Variants in PAK5 observed in about 807,000 individuals in gnomAD.
PAK5 encodes the protein p21 (RAC1) activated kinase 5, also known as serine/threonine-protein kinase PAK 5.
Under a neutral mutation model 65.9 loss-of-function variants are expected in PAK5, and 16 were observed. The observed-to-expected ratio is 0.24, with a 90% CI of 0.16 to 0.37. The LOEUF is 0.37. Among genes scored for constraint, PAK5 ranks in the 10% least tolerant of loss-of-function variants. The pLI is 1.00. For synonymous variants in PAK5, 371 were observed against 354.9 expected (o/e 1.05, Z -0.51); for missense variants, 785 against 903.9 (o/e 0.87, Z 1.69).
intron 3 of PAK5, among the ~76,000 whole-genome samples, chr20:9,594,110 G>A (rs980153339): frequency 2.0e-5 from 3 of 152,154 alleles, no homozygotes; most frequent in East Asian, 1.9e-4. Context: ...AGTAATTTCT[G>A]AAGCTCTTCA....
intron 2 of PAK5, among the ~76,000 whole-genome samples, chr20:9,694,361 G>A (rs1156525819): frequency 2.6e-5 from 4 of 150,976 alleles, no homozygotes; most frequent in Non-Finnish European, 4.4e-5. Context: ...AAAGAGGTGA[G>A]TTACTTTTTC....
intron 1 of PAK5, among the ~76,000 whole-genome samples, chr20:9,713,689 G>T (rs2048106739): frequency 6.6e-6 from 1 of 151,976 alleles, no homozygotes; most frequent in Non-Finnish European, 1.5e-5. Context: ...GTCACAAAAA[G>T]AAATTAATTT....
intron 1 of PAK5, among the ~76,000 whole-genome samples, chr20:9,727,821 C>T (rs1038241662): frequency 2.0e-5 from 3 of 152,058 alleles, no homozygotes; most frequent in Admixed American, 6.6e-5. Flanking sequence ...TGTTGGTTTC[C>T]GTGTCCTGTG....
intron 1 of PAK5, among the ~76,000 whole-genome samples, chr20:9,768,778 G>A (rs1283477960): frequency 2.7e-5 from 3 of 109,536 alleles, no homozygotes; most frequent in South Asian, 3.2e-4. Context: ...GCAACAGAGC[G>A]AGACTCCATC....
intron 3 of PAK5, among the ~76,000 whole-genome samples, chr20:9,618,364 CAT>C (rs933287595): frequency 1.2e-4 from 18 of 150,282 alleles, no homozygotes; most frequent in Non-Finnish European, 2.4e-4. Flanking sequence ...ATTGCTGAGA[CAT>C]ATGTTGATAC....
At chr20:9,787,619 ATGTGTGTGTGTGTG>A (rs3061911) in intron 1 of PAK5, among the ~76,000 whole-genome samples, 9 of 146,530 alleles carry the variant, frequency 6.1e-5, no homozygotes, top group Non-Finnish European at 9.0e-5. Context: ...TATGAAAAGG[ATGTGTGTGTGTGTG>A]TGTGTGTGTG....
intron 1 of PAK5, among the ~76,000 whole-genome samples, chr20:9,782,769 C>T (rs1406087702): frequency 6.6e-6 from 1 of 152,218 alleles, no homozygotes; most frequent in South Asian, 2.1e-4. Context: ...GGAAGTCTGA[C>T]AAAGAATCAG....
At chr20:9,782,739 A>G (rs1333960933) in intron 1 of PAK5, among the ~76,000 whole-genome samples, 1 of 152,102 alleles carries the variant, frequency 6.6e-6, no homozygotes, top group African/African-American at 2.4e-5. Flanking sequence ...CTGCTCTTAA[A>G]AGGAACTTTC....
At chr20:9,642,382 C>T (rs932743952) in intron 3 of PAK5, among the ~76,000 whole-genome samples, 1 of 152,184 alleles carries the variant, frequency 6.6e-6, no homozygotes, top group African/African-American at 2.4e-5. Context: ...TAAGACTCTG[C>T]TTCCATCTAG....
At position 9,815,139 on chromosome 20, in the gene PAK5, C is replaced by T. The variant is rs116002217; in HGVS notation, c.-162+23623G>A. Among the ~76,000 whole-genome samples, 62 of 152,278 alleles carry T rather than the reference C, an allele frequency of 4.1e-4. 1 individual carries two copies. Among genetic ancestry groups the T allele is most frequent in the African/African-American group, 1.4e-3 (57 of 41,568 alleles). On this transcript the variant is annotated intron_variant, in intron 1 of 9. Coordinates refer to ENST00000353224, the MANE Select transcript of PAK5 (RefSeq NM_177990.4). ...AAGAGTGAGAATTCACTCTCTCCTT[C>T]GAGAATGGCACCAAAAAATTCATGA...
At chr20:9,695,472 G>A (rs996714638) in intron 2 of PAK5, among the ~76,000 whole-genome samples, 28 of 151,814 alleles carry the variant, frequency 1.8e-4, no homozygotes, top group African/African-American at 6.0e-4. Context: ...TTAGATTTAC[G>A]ATCTATCTGA....
chr20:9,735,288 G>A (rs1003666959), intron 1 of PAK5, among the ~76,000 whole-genome samples: 1 of 152,144 alleles, frequency 6.6e-6, no homozygotes, highest in Admixed American at 6.5e-5. Context: ...GGGGTAGGGG[G>A]AAAGTGAGGC....
intron 3 of PAK5, among the ~76,000 whole-genome samples, chr20:9,639,761 T>C (rs1446084837): frequency 2.0e-5 from 3 of 152,176 alleles, no homozygotes; most frequent in South Asian, 4.1e-4. Context: ...AGCTTAGAAG[T>C]GAGGAAATCT....
chr20:9,579,961 T>C (rs961223520), intron 4 of PAK5, among the ~76,000 whole-genome samples, 184 bp downstream of exon 4: 3 of 152,232 alleles, frequency 2.0e-5, no homozygotes, highest in Non-Finnish European at 4.4e-5. Flanking sequence ...TTAATGAATA[T>C]ATATGCCTTA....
At chr20:9,765,197 T>G (rs1322746750) in intron 1 of PAK5, among the ~76,000 whole-genome samples, 6 of 152,116 alleles carry the variant, frequency 3.9e-5, no homozygotes, top group Admixed American at 3.9e-4. Flanking sequence ...TTTGCATGAG[T>G]GAAAAACAAA....
chr20:9,826,264 T>C (rs1452216028), intron 1 of PAK5, among the ~76,000 whole-genome samples: 1 of 152,142 alleles, frequency 6.6e-6, no homozygotes. Context: ...ACCACAAAAT[T>C]AGACACTGCT....
chr20:9,641,154 C>G (rs906724137), intron 3 of PAK5, among the ~76,000 whole-genome samples: 29 of 151,970 alleles, frequency 1.9e-4, no homozygotes, highest in African/African-American at 5.8e-4. Flanking sequence ...TACAGAGTTT[C>G]GACACACAGG....
intron 5 of PAK5, 107 bp from the exon 6 acceptor site, chr20:9,563,131 G>T (rs542202915): frequency 4.1e-6 from 4 of 975,762 alleles, no homozygotes; most frequent in Non-Finnish European, 6.3e-6. Context: ...GGTACTGATT[G>T]TGGGGAAGTT....
At chr20:9,548,102 C>T (rs536302706) in intron 7 of PAK5, among the ~76,000 whole-genome samples, 7 of 152,270 alleles carry the variant, frequency 4.6e-5, no homozygotes, top group South Asian at 2.1e-4. Context: ...GGTGCCTTTT[C>T]GTGTCGCCAA....
Sources: allele counts gnomAD v4.1 joint callset (sites outside exome capture counted in the v4.1 genomes callset), GRCh38; gene constraint gnomAD v4.1.1; transcripts MANE v1.5; gene names NCBI Gene and HGNC (gene_info 2026-07-23, HGNC 2026-07-21).